Variants in BRINP3 observed in about 807,000 individuals in gnomAD.
The protein encoded by BRINP3 is BMP/retinoic acid inducible neural specific 3.
BRINP3 carries 19 observed loss-of-function variants against 71.0 expected under a neutral mutation model. That is an observed-to-expected ratio of 0.27 (90% CI 0.19 to 0.39). The LOEUF is 0.39. BRINP3 is among the 10% of genes least tolerant of loss of function. BRINP3 has a pLI of 1.00. For synonymous variants in BRINP3, 380 were observed against 337.7 expected (o/e 1.13, Z -1.37); for missense variants, 959 against 940.8 (o/e 1.02, Z -0.25).
In BRINP3 at chr1:190,281,603, G is replaced by A; in HGVS notation, c.384C>T (p.Ile128=). The change falls in exon 3 of 8, where the codon ATC becomes ATT. Residue 128 remains isoleucine (I), a synonymous_variant. Coordinates refer to ENST00000367462, the MANE Select transcript of BRINP3 (RefSeq NM_199051.3). ...PTLQQITENL[I]KKYGTHFLLS... is the part of the protein sequence containing the mutation. ...GCAAGAAATGTGTCCCATATTTCTTGATAAGGTTTTCTGTGATTTGCTGAA... is the reference window on the plus strand; with the variant it reads ...GCAAGAAATGTGTCCCATATTTCTTAATAAGGTTTTCTGTGATTTGCTGAA... 2.5e-6 allele frequency: 4 copies of A among 1,612,738 alleles called. No individual in the cohort carries two copies. Among genetic ancestry groups the A allele is most frequent in the Non-Finnish European group, 3.4e-6 (4 of 1,179,178 alleles).
intron 2 of BRINP3, among the ~76,000 whole-genome samples, chr1:190,447,015 A>G (rs912130886): frequency 2.0e-5 from 3 of 151,924 alleles, no homozygotes; most frequent in African/African-American, 4.8e-5. Flanking sequence ...TCTGTCTTCC[A>G]TGTATTCATA....
intron 2 of BRINP3, among the ~76,000 whole-genome samples, chr1:190,387,887 G>T (rs1671012216): frequency 6.6e-6 from 1 of 150,878 alleles, no homozygotes; most frequent in East Asian, 1.9e-4. Context: ...CCAATTTCTG[G>T]GTATTTCTCC....
rs1199108355 is a variant in BRINP3 at position 190,299,246 on chromosome 1, G to C, written c.237-17496C>G. Among the ~76,000 whole-genome samples the C allele has an allele frequency of 4.0e-5, 6 of 151,696 alleles. No individual in the cohort carries two copies. The East Asian group carries it at 9.7e-4, about 25-fold the overall frequency. ...GCTTACATAGGAGCTAAGTTTTCTT[G>C]ATCTATTCCACCAATGTCTGTATTT... On this transcript the variant is annotated intron_variant, in intron 2 of 7. Transcript: ENST00000367462.
chr1:190,372,472 C>G (rs1344988188), intron 2 of BRINP3, among the ~76,000 whole-genome samples: 1 of 152,110 alleles, frequency 6.6e-6, no homozygotes, highest in Non-Finnish European at 1.5e-5. Context: ...AGGTTACAAC[C>G]CCATATAGTT....
At chr1:190,202,003 A>G (rs1429849072) in intron 6 of BRINP3, among the ~76,000 whole-genome samples, 1 of 152,150 alleles carries the variant, frequency 6.6e-6, no homozygotes, top group Non-Finnish European at 1.5e-5. Context: ...CTGTGAGAAG[A>G]GGGCCACCAC....
chr1:190,417,137 A>G (rs1377109380), intron 2 of BRINP3, among the ~76,000 whole-genome samples: 1 of 152,186 alleles, frequency 6.6e-6, no homozygotes, highest in Non-Finnish European at 1.5e-5. Context: ...AATTTTCTGA[A>G]ATACAGTAAA....
chr1:190,176,675 C>T (rs908673232), intron 6 of BRINP3, among the ~76,000 whole-genome samples: 7 of 152,052 alleles, frequency 4.6e-5, no homozygotes, highest in Non-Finnish European at 1.0e-4. Context: ...ATTTCTTTAC[C>T]TTTTTTTCAT....
At chr1:190,414,181 G>T (rs1318012852) in intron 2 of BRINP3, among the ~76,000 whole-genome samples, 2 of 151,928 alleles carry the variant, frequency 1.3e-5, no homozygotes, top group African/African-American at 4.8e-5. Context: ...TTTTACTATA[G>T]ACAGCAAAAT....
intron 2 of BRINP3, among the ~76,000 whole-genome samples, chr1:190,444,761 C>T (rs1004364948): frequency 2.0e-5 from 3 of 152,046 alleles, no homozygotes; most frequent in Admixed American, 6.6e-5. Context: ...GTCTCGAATT[C>T]CTGACCTGGT....
At chr1:190,268,045 A>C (rs1661804669) in intron 3 of BRINP3, among the ~76,000 whole-genome samples, 1 of 152,170 alleles carries the variant, frequency 6.6e-6, no homozygotes, top group Non-Finnish European at 1.5e-5. Flanking sequence ...ATAATGAACA[A>C]TATCCAACAG....
chr1:190,397,293 A>G (rs1025878752), intron 2 of BRINP3, among the ~76,000 whole-genome samples: 14 of 151,984 alleles, frequency 9.2e-5, no homozygotes, highest in African/African-American at 2.9e-4. Context: ...TCCATGTCAC[A>G]TCGGAATTGT....
intron 2 of BRINP3, among the ~76,000 whole-genome samples, chr1:190,366,132 T>C (rs1669483671): frequency 6.6e-6 from 1 of 152,020 alleles, no homozygotes; most frequent in Admixed American, 6.6e-5. Flanking sequence ...TTTGTCTCAG[T>C]GTATTAGTCT....
At chr1:190,242,492 G>A (rs1033341110) in intron 4 of BRINP3, among the ~76,000 whole-genome samples, 4 of 151,884 alleles carry the variant, frequency 2.6e-5, no homozygotes, top group African/African-American at 4.8e-5. Flanking sequence ...GCACAAACAC[G>A]GATAAACACA....
intron 2 of BRINP3, among the ~76,000 whole-genome samples, chr1:190,384,734 A>C (rs543383291): frequency 6.6e-6 from 1 of 152,038 alleles, no homozygotes; most frequent in South Asian, 2.1e-4. Flanking sequence ...TTCACTCAAA[A>C]TTATATCACT....
chr1:190,279,559 T>G (rs903580479), intron 3 of BRINP3, among the ~76,000 whole-genome samples: 3 of 151,920 alleles, frequency 2.0e-5, no homozygotes, highest in African/African-American at 7.2e-5. Flanking sequence ...TTATCACTAT[T>G]CATTTGTGGA....
chr1:190,115,518 T>C (rs1168785374), intron 7 of BRINP3, among the ~76,000 whole-genome samples: 1 of 152,130 alleles, frequency 6.6e-6, no homozygotes, highest in Non-Finnish European at 1.5e-5. Flanking sequence ...TTGACAAATA[T>C]TTCTACGTCC....
intron 6 of BRINP3, among the ~76,000 whole-genome samples, chr1:190,167,123 T>A (rs1332046339): frequency 2.0e-5 from 3 of 152,098 alleles, no homozygotes; most frequent in Non-Finnish European, 4.4e-5. Flanking sequence ...TTTATCCGAT[T>A]TTGGATTTTG....
rs561535527 is a variant in BRINP3 at position 190,136,510 on chromosome 1, C to T, written c.1184+24158G>A. ...GCTTACATTATTCCAGTATACTGCTCACCTTCTTCCCTGCCTTCCCTCTTT... is the reference window on the plus strand; with the variant it reads ...GCTTACATTATTCCAGTATACTGCTTACCTTCTTCCCTGCCTTCCCTCTTT... On this transcript the variant is annotated intron_variant, in intron 7 of 7. Coordinates refer to ENST00000367462, the MANE Select transcript of BRINP3 (RefSeq NM_199051.3). Among the ~76,000 whole-genome samples, 7 of 152,238 alleles carry T rather than the reference C, an allele frequency of 4.6e-5. No individual in the cohort carries two copies. The East Asian group carries it at 1.4e-3, about 29-fold the overall frequency.
intron 7 of BRINP3, among the ~76,000 whole-genome samples, chr1:190,138,950 C>T (rs755795232): frequency 6.6e-6 from 1 of 151,938 alleles, no homozygotes; most frequent in South Asian, 2.1e-4. Context: ...AATAGTGGGG[C>T]TTAGAAAATC....
Sources: gnomAD v4.1 joint callset for allele counts (sites outside exome capture counted in the v4.1 genomes callset) on GRCh38, gnomAD v4.1.1 for gene constraint, MANE v1.5 for transcripts, NCBI Gene and HGNC (gene_info 2026-07-23, HGNC 2026-07-21) for gene names.